Variants in FAT3 observed in about 807,000 individuals in gnomAD.
FAT3 encodes the protein FAT atypical cadherin 3.
In FAT3, 95 loss-of-function variants were observed where a neutral mutation model predicts 310.2. That is an observed-to-expected ratio of 0.31 (90% confidence interval 0.26 to 0.36). The LOEUF (loss-of-function observed/expected upper bound fraction) is 0.36. Ranked by LOEUF, FAT3 falls within the 10% of genes least tolerant of loss-of-function variation. The probability of loss-of-function intolerance (pLI) is 1.00; values close to 1 mark genes in which losing one functional copy is unlikely to be tolerated. For synonymous variants in FAT3, 2,314 were observed against 2,192.9 expected (o/e 1.06, Z -1.54); for missense variants, 5,408 against 5,715.6 (o/e 0.95, Z 1.74).
intron 22 of FAT3, among the ~76,000 whole-genome samples, chr11:92,872,820 T>C (rs1552511): frequency 0.19 from 28,569 of 152,204 alleles, 3,408 homozygotes; most frequent in Admixed American, 0.26. Context: ...GTACCCTGTT[T>C]GGTGAAAGAG....
chr11:92,302,552 T>A (rs2513461), intron 1 of FAT3, among the ~76,000 whole-genome samples: 1 of 152,246 alleles, frequency 6.6e-6, no homozygotes, highest in Non-Finnish European at 1.5e-5. Flanking sequence ...TAAAACCCAT[T>A]GGTAGAAATC....
In FAT3 at chr11:92,554,096, G is replaced by A. The variant is rs573309643; in HGVS notation, c.3607+29148G>A. 1.1e-4 allele frequency among the ~76,000 whole-genome samples: 17 copies of A among 152,058 alleles called. No homozygotes were observed. The South Asian group carries it at 1.5e-3, about 13-fold the overall frequency. On this transcript the variant is annotated intron_variant, in intron 3 of 27. Coordinates refer to ENST00000525166, the MANE Select transcript of FAT3 (RefSeq NM_001367949.2). The stretch of plus-strand genomic sequence containing the variant: ...GCTGGGATTACAGGTGTGAGCCACC[G>A]TGTCCAGCTCCCTGTTTCTTTGTTA...
chr11:92,641,224 A>G (rs757499263), intron 3 of FAT3, among the ~76,000 whole-genome samples: 62 of 152,138 alleles, frequency 4.1e-4, no homozygotes, highest in Non-Finnish European at 5.0e-4. Context: ...TTCACCATAT[A>G]CTATGCATTC....
intron 13 of FAT3, among the ~76,000 whole-genome samples, chr11:92,817,783 T>C (rs975823933): frequency 7.2e-5 from 11 of 152,234 alleles, no homozygotes; most frequent in Admixed American, 6.5e-4. Context: ...TAACGATTGT[T>C]AGATGGAGAT....
At chr11:92,825,353 G>A (rs1948075757) in intron 13 of FAT3, among the ~76,000 whole-genome samples, 1 of 152,078 alleles carries the variant, frequency 6.6e-6, no homozygotes, top group Non-Finnish European at 1.5e-5. Context: ...TAATCTACTG[G>A]GAGAGGGGAT....
At chr11:92,384,404 A>C (rs1949571286) in intron 2 of FAT3, among the ~76,000 whole-genome samples, 4 of 152,218 alleles carry the variant, frequency 2.6e-5, no homozygotes, top group Admixed American at 2.0e-4. Flanking sequence ...TATATTTCTC[A>C]TCGAGTTTCT....
At chr11:92,421,344 T>C (rs1445879917) in intron 2 of FAT3, among the ~76,000 whole-genome samples, 1 of 152,184 alleles carries the variant, frequency 6.6e-6, no homozygotes, top group East Asian at 1.9e-4. Context: ...TTTATTCAGT[T>C]TTTATGGTCT....
chr11:92,377,062 T>C (rs2134744517), intron 2 of FAT3, among the ~76,000 whole-genome samples: 1 of 152,294 alleles, frequency 6.6e-6, no homozygotes, highest in South Asian at 2.1e-4. Context: ...TAAAGGATAC[T>C]GAGGTATAAA....
chr11:92,333,237 C>T (rs1474849542), intron 1 of FAT3, among the ~76,000 whole-genome samples: 2 of 152,124 alleles, frequency 1.3e-5, no homozygotes, highest in African/African-American at 4.8e-5. Flanking sequence ...TTTGCAATTC[C>T]ACATGTGGAA....
At position 92,309,134 on chromosome 11, in the gene FAT3, C is replaced by T. The variant is rs371805065; in HGVS notation, c.-17-42962C>T. Among the ~76,000 whole-genome samples the T allele has an allele frequency of 1.1e-4, 16 of 152,146 alleles. No homozygotes were observed. The East Asian group carries it at 2.9e-3, about 28-fold the overall frequency. ...GTATCCAGTTGCTTATTTCAATTAG[C>T]TTGTTTTGTGTTATGTTTCCCCACA... On this transcript the variant is annotated intron_variant, in intron 1 of 27. Transcript: ENST00000525166.
intron 3 of FAT3, among the ~76,000 whole-genome samples, chr11:92,590,382 A>G (rs1343328219): frequency 1.3e-5 from 2 of 152,130 alleles, no homozygotes; most frequent in African/African-American, 4.8e-5. Context: ...GGAGAAGTTT[A>G]GGAAAACAGC....
chr11:92,836,560 A>G lies in FAT3; in HGVS notation c.10087-6A>G, dbSNP rs368206279. 3.2e-5 allele frequency: 51 copies of G among 1,611,226 alleles called. No individual in the cohort carries two copies. The African/African-American group carries it at 3.7e-4, about 12-fold the overall frequency. ...CTTTTCTTTGTTTTGCTTGTTTTCC[A>G]TGAAGCTAATAGCAGAAGATGTAGA... On this transcript the variant is annotated splice_region_variant and splice_polypyrimidine_tract_variant and intron_variant, in intron 15 of 27. Coordinates refer to ENST00000525166, the MANE Select transcript of FAT3 (RefSeq NM_001367949.2).
chr11:92,351,346 A>T (rs1948560657), intron 1 of FAT3, among the ~76,000 whole-genome samples: 1 of 152,208 alleles, frequency 6.6e-6, no homozygotes, highest in Non-Finnish European at 1.5e-5. Flanking sequence ...AAAGATTATA[A>T]TTATAAAAGT....
At position 92,883,270 on chromosome 11, in the gene FAT3, C is replaced by T. The variant is rs1438591331; in HGVS notation, c.12814C>T (p.Arg4272Cys). The T allele has an allele frequency of 3.7e-6, 6 of 1,612,810 alleles. No homozygotes were observed. The highest frequency in any genetic ancestry group is 4.2e-6 in the Non-Finnish European group (5 of 1,179,836). ...GACCACGTTTCACCCTGAGTCGCCC[C>T]GCATCCTGACAGCCCGGCGGGGCGT... ...EMTTFHPESP[R>C]ILTARRGVVV... Residue 4272 changes from arginine (R) to cysteine (C), a missense_variant, in exon 24 of 28, where the codon CGC becomes TGC. By Grantham distance (180) the Arg-to-Cys change is radical. Coordinates refer to ENST00000525166, the MANE Select transcript of FAT3 (RefSeq NM_001367949.2). This position sits in a 1 kb window ranked among gnomAD's most constrained non-coding sequence, Gnocchi z 4.2.
intron 6 of FAT3, among the ~76,000 whole-genome samples, chr11:92,768,801 T>C (rs886181632): frequency 1.3e-5 from 2 of 152,158 alleles, no homozygotes; most frequent in African/African-American, 4.8e-5. Flanking sequence ...GGGCCTTGCC[T>C]AGGTAAATAC....
chr11:92,579,022 C>T (rs571679889), intron 3 of FAT3, among the ~76,000 whole-genome samples: 1 of 152,170 alleles, frequency 6.6e-6, no homozygotes, highest in East Asian at 1.9e-4. Context: ...TTCACTAAGA[C>T]AGTTCATTAT....
At chr11:92,712,922 T>C (rs1015757567) in intron 4 of FAT3, among the ~76,000 whole-genome samples, 1 of 152,238 alleles carries the variant, frequency 6.6e-6, no homozygotes, top group Non-Finnish European at 1.5e-5. Context: ...GAGGCTGAAG[T>C]TGCTTAATAA....
intron 3 of FAT3, among the ~76,000 whole-genome samples, chr11:92,605,663 G>T (rs1342407670): frequency 6.8e-6 from 1 of 147,272 alleles, no homozygotes; most frequent in Non-Finnish European, 1.5e-5. Flanking sequence ...ATTACTTTGT[G>T]TACTCTTACA....
intron 4 of FAT3, among the ~76,000 whole-genome samples, chr11:92,753,221 T>C (rs1472709841): frequency 1.3e-5 from 2 of 152,102 alleles, no homozygotes; most frequent in Admixed American, 6.5e-5. Flanking sequence ...CAGTTGCTCT[T>C]AGAACCCAGC....
Sources: gnomAD v4.1 joint callset for allele counts (sites outside exome capture counted in the v4.1 genomes callset) on GRCh38, gnomAD v4.1.1 for gene constraint, Gnocchi (gnomAD v3.1) non-coding constraint, MANE v1.5 for transcripts, NCBI Gene and HGNC (gene_info 2026-07-23, HGNC 2026-07-21) for gene names.